STRN3: variants seen among roughly 807,000 people sequenced by gnomAD.
STRN3 encodes striatin-3.
A neutral mutation model predicts 95.6 loss-of-function variants in STRN3; 29 were observed. The observed-to-expected ratio is 0.30, with a 90% confidence interval of 0.23 to 0.41. The LOEUF (loss-of-function observed/expected upper bound fraction) is 0.41, where lower values mean the gene tolerates loss of function less well. Ranked by LOEUF, STRN3 falls within the 10% of genes least tolerant of loss-of-function variation. STRN3 has a pLI of 1.00. For synonymous variants in STRN3, 331 were observed against 357.6 expected (o/e 0.93, Z 0.84); for missense variants, 890 against 972.1 (o/e 0.92, Z 1.12).
At chr14:30,919,218 T>A in intron 8 of STRN3, 112 bp from the exon 9 acceptor site, 1 of 1,138,808 alleles carries the variant, frequency 8.8e-7, no homozygotes, top group Non-Finnish European at 1.2e-6. Context: ...TCCCAGTTAT[T>A]AAAATATCAG....
Position 30,913,674 on chromosome 14 carries a change from C to A in STRN3, c.1241-17G>T, listed in dbSNP as rs768505679. 1 of 1,611,386 alleles carries A rather than the reference C, an allele frequency of 6.2e-7. No homozygotes were observed. The highest frequency in any genetic ancestry group is 8.5e-7 in the Non-Finnish European group (1 of 1,179,076). On this transcript the variant is annotated splice_polypyrimidine_tract_variant and intron_variant, in intron 9 of 17. Transcript: ENST00000357479. ...TTGGTTCAGCTATAAAGAACAAAAC[C>A]GCTTCTTAAATGCTGAAAAATCATA...
chr14:31,013,903 T>TTA (rs1204605009), intron 1 of STRN3, among the ~76,000 whole-genome samples: 7 of 112,454 alleles, frequency 6.2e-5, no homozygotes, highest in Non-Finnish European at 1.4e-4. Flanking sequence ...ATTATTATTA[T>TTA]TATTATTATT....
intron 8 of STRN3, among the ~76,000 whole-genome samples, chr14:30,927,664 G>A (rs1013171619): frequency 6.6e-6 from 1 of 151,002 alleles, no homozygotes; most frequent in African/African-American, 2.4e-5. Flanking sequence ...AGTGGCTCAC[G>A]CCTGTAATCC....
At chr14:30,921,765 C>T (rs1038983582) in intron 8 of STRN3, among the ~76,000 whole-genome samples, 1 of 152,040 alleles carries the variant, frequency 6.6e-6, no homozygotes, top group African/African-American at 2.4e-5. Flanking sequence ...TATGTAAAGG[C>T]ATATTGAAGG....
In STRN3 at chr14:30,929,967, A is replaced by AAAAAAAAAAAAACAAAAAAAAAAC. The variant is rs1555317337; in HGVS notation, c.989-657_989-656insGTTTTTTTTTTGTTTTTTTTTTTT. On this transcript the variant is annotated intron_variant, in intron 7 of 17. Transcript: ENST00000357479. ...AACTAAGATTAGCAAAAAAAAAAAA[A>AAAAAAAAAAAAACAAAAAAAAAAC]AAAAAAAAAAAACTCAAATTCCACT... Among the ~76,000 whole-genome samples the AAAAAAAAAAAAACAAAAAAAAAAC allele has an allele frequency of 1.2e-4, 11 of 91,212 alleles. No individual in the cohort carries two copies. The East Asian group carries it at 1.6e-3, about 13-fold the overall frequency. The allele number at this position is 91,212 out of a possible 152,430, so 59.8% of individuals were successfully genotyped here.
chr14:31,010,125 T>C (rs969554180), intron 1 of STRN3, among the ~76,000 whole-genome samples: 44 of 151,004 alleles, frequency 2.9e-4, no homozygotes, highest in African/African-American at 1.1e-3. Flanking sequence ...AAAAGTAAAA[T>C]AAAAAACAAA....
In STRN3 at chr14:30,895,292, C is replaced by T; in HGVS notation, c.*119G>A. 9.9e-7 allele frequency: 1 copy of T among 1,008,282 alleles called. No homozygotes were observed. 62.5% of individuals were successfully genotyped at this position (1,008,282 alleles called of 1,614,324 possible). A position where few individuals can be genotyped will look rare whatever the true frequency, so the allele number is the denominator to read the frequency against. On this transcript the variant is annotated 3_prime_UTR_variant, in exon 18 of 18. Transcript: ENST00000357479. Reference sequence around the variant, plus strand: ...GATTTCCACCAATTTGTGCCTGCCCCAGATAGCCTTCACCAGGCAGATCAC... The same window carrying T: ...GATTTCCACCAATTTGTGCCTGCCCTAGATAGCCTTCACCAGGCAGATCAC...
intron 4 of STRN3, 54 bp downstream of exon 4, chr14:30,950,809 A>G: frequency 1.3e-6 from 2 of 1,503,008 alleles, no homozygotes; most frequent in Middle Eastern, 1.7e-4. Context: ...GATTCAGTAT[A>G]AGCACTTTCA....
chr14:30,949,153 G>C (rs999988407), intron 4 of STRN3, among the ~76,000 whole-genome samples: 15 of 152,166 alleles, frequency 9.9e-5, no homozygotes, highest in Non-Finnish European at 1.5e-5. Context: ...TTCACTTCCT[G>C]ACACTTGGTT....
intron 1 of STRN3, among the ~76,000 whole-genome samples, chr14:31,019,402 C>T (rs1030778028): frequency 6.6e-6 from 1 of 152,096 alleles, no homozygotes; most frequent in Admixed American, 6.5e-5. Flanking sequence ...TGAGTCGTTG[C>T]TGTTTAAGAT....
At chr14:31,020,949 CAA>C (rs1415429217) in intron 1 of STRN3, among the ~76,000 whole-genome samples, 1 of 151,908 alleles carries the variant, frequency 6.6e-6, no homozygotes, top group Non-Finnish European at 1.5e-5. Context: ...TCCCTGAGGA[CAA>C]AGTCTGTGTC....
At chr14:30,914,800 G>A (rs750871636) in intron 9 of STRN3, among the ~76,000 whole-genome samples, 1 of 152,150 alleles carries the variant, frequency 6.6e-6, no homozygotes, top group Non-Finnish European at 1.5e-5. Context: ...CTAAACTCAG[G>A]TTGAGCTTCA....
intron 1 of STRN3, among the ~76,000 whole-genome samples, chr14:31,015,838 A>T (rs61116407): frequency 0.056 from 8,582 of 152,186 alleles, 438 homozygotes; most frequent in East Asian, 0.21. Context: ...TCACTCTGTC[A>T]CCCAGGCCGG....
At chr14:30,968,313 TG>T (rs1880638685) in intron 1 of STRN3, among the ~76,000 whole-genome samples, 1 of 145,124 alleles carries the variant, frequency 6.9e-6, no homozygotes, top group Non-Finnish European at 1.5e-5. Context: ...AAAAAGAAAT[TG>T]GGGGGACAGA....
chr14:30,897,901 A>G (rs1038225145), intron 16 of STRN3, among the ~76,000 whole-genome samples: 1 of 152,216 alleles, frequency 6.6e-6, no homozygotes, highest in African/African-American at 2.4e-5. Context: ...GGCCTCCATG[A>G]CAATACTTTC....
At chr14:30,940,089 CCAG>C (rs965843824) in intron 5 of STRN3, among the ~76,000 whole-genome samples, 1 of 151,936 alleles carries the variant, frequency 6.6e-6, no homozygotes, top group Non-Finnish European at 1.5e-5. Flanking sequence ...CTGAAATTTT[CCAG>C]CAGAACTGTA....
intron 1 of STRN3, among the ~76,000 whole-genome samples, chr14:31,010,826 G>A (rs1020595666): frequency 6.6e-6 from 1 of 152,168 alleles, no homozygotes; most frequent in Non-Finnish European, 1.5e-5. Flanking sequence ...ATCACCTGAG[G>A]TCAGGAGTTC....
At position 30,944,568 on chromosome 14, in the gene STRN3, T is replaced by C. The variant is rs1446411009; in HGVS notation, c.716+2522A>G. ...ATATATACACGTATATATATATATATATACACACACAGACACACGCACATA... is the reference window on the plus strand; with the variant it reads ...ATATATACACGTATATATATATATACATACACACACAGACACACGCACATA... On this transcript the variant is annotated intron_variant, in intron 5 of 17. Transcript: ENST00000357479. Among the ~76,000 whole-genome samples, 784 of 132,888 alleles carry C rather than the reference T, an allele frequency of 5.9e-3. 4 individuals carry two copies. The highest frequency in any genetic ancestry group is 0.023 in the African/African-American group (745 of 32,652). The allele number at this position is 132,888 out of a possible 152,430, so 87.2% of individuals were successfully genotyped here.
chr14:30,944,789 T>C (rs976943645), intron 5 of STRN3, among the ~76,000 whole-genome samples: 7 of 151,800 alleles, frequency 4.6e-5, no homozygotes, highest in Admixed American at 1.3e-4. Flanking sequence ...TTTATATTTT[T>C]AGTAGAGATG....
Sources: allele counts gnomAD v4.1 joint callset (sites outside exome capture counted in the v4.1 genomes callset), GRCh38; gene constraint gnomAD v4.1.1; transcripts MANE v1.5; gene names NCBI Gene and HGNC (gene_info 2026-07-23, HGNC 2026-07-21).